Variants in ZBTB20 observed in about 807,000 individuals in gnomAD.
ZBTB20 encodes the protein zinc finger and BTB domain-containing protein 20.
In ZBTB20, 9 loss-of-function variants were observed where a neutral mutation model predicts 56.9. That is an observed-to-expected ratio of 0.16 (90% CI 0.10 to 0.28). The LOEUF is 0.28. Ranked by LOEUF, ZBTB20 falls within the 10% of genes least tolerant of loss-of-function variation. ZBTB20 has a pLI of 1.00. For synonymous variants in ZBTB20, 417 were observed against 420.7 expected, an observed-to-expected ratio of 0.99 and a Z score of 0.11; for missense variants, 655 against 1,003.0, an observed-to-expected ratio of 0.65 and a Z score of 4.69.
At chr3:114,717,192 A>G (rs2064545831) in intron 5 of ZBTB20, among the ~76,000 whole-genome samples, 2 of 152,144 alleles carry the variant, frequency 1.3e-5, no homozygotes, top group Admixed American at 1.3e-4. Flanking sequence ...AGGGCTAACT[A>G]ACAAGATGTG....
At chr3:114,857,317 C>T (rs1416987145) in intron 4 of ZBTB20, among the ~76,000 whole-genome samples, 1 of 152,180 alleles carries the variant, frequency 6.6e-6, no homozygotes, top group Non-Finnish European at 1.5e-5. Flanking sequence ...CATTAAAACT[C>T]CTCGCAATTT....
chr3:114,876,005 A>G (rs909514999), intron 4 of ZBTB20, among the ~76,000 whole-genome samples: 1 of 152,128 alleles, frequency 6.6e-6, no homozygotes, highest in African/African-American at 2.4e-5. Flanking sequence ...AGGCCAAGGC[A>G]GGAAGATCAC....
intron 6 of ZBTB20, among the ~76,000 whole-genome samples, chr3:114,542,130 G>GCCTACTA (rs1247948270): frequency 1.3e-5 from 2 of 152,046 alleles, no homozygotes; most frequent in Non-Finnish European, 2.9e-5. Context: ...TTTGTTTATA[G>GCCTACTA]CCTACTATGG....
chr3:114,609,723 T>G (rs2057415216), intron 6 of ZBTB20, among the ~76,000 whole-genome samples: 1 of 151,980 alleles, frequency 6.6e-6, no homozygotes, highest in Admixed American at 6.6e-5. Context: ...CTGAATGGGG[T>G]AGGGCCTGAA....
intron 5 of ZBTB20, among the ~76,000 whole-genome samples, chr3:114,753,179 G>A (rs1010558049): frequency 7.4e-5 from 11 of 149,322 alleles, no homozygotes; most frequent in Non-Finnish European, 1.3e-4. Flanking sequence ...GAAGTAATGG[G>A]GAACACAGGA....
intron 4 of ZBTB20, among the ~76,000 whole-genome samples, chr3:114,889,523 T>C (rs1218751324): frequency 6.6e-6 from 1 of 152,062 alleles, no homozygotes; most frequent in Non-Finnish European, 1.5e-5. Context: ...GGTATTCCTA[T>C]ATAATCAGGT....
At chr3:114,428,964 A>AAGGCCTTT (rs59133382) in intron 7 of ZBTB20, among the ~76,000 whole-genome samples, 10,644 of 152,056 alleles carry the variant, frequency 0.07, 451 homozygotes, top group East Asian at 0.18. Context: ...TGGGTCCTTC[A>AAGGCCTTT]AGGCCTTTTA....
intron 6 of ZBTB20, among the ~76,000 whole-genome samples, chr3:114,623,746 C>G (rs1402219323): frequency 6.6e-6 from 1 of 152,144 alleles, no homozygotes; most frequent in Non-Finnish European, 1.5e-5. Flanking sequence ...TCCAAATGAA[C>G]AATTAATTCC....
chr3:115,015,471 C>T (rs2108279672), intron 2 of ZBTB20, among the ~76,000 whole-genome samples: 1 of 151,808 alleles, frequency 6.6e-6, no homozygotes, highest in Non-Finnish European at 1.5e-5. Flanking sequence ...CTTCCCCCAA[C>T]CCAAACCCCT....
At chr3:114,493,145 T>C (rs879636581) in intron 7 of ZBTB20, among the ~76,000 whole-genome samples, 2 of 152,228 alleles carry the variant, frequency 1.3e-5, no homozygotes, top group African/African-American at 4.8e-5. Context: ...ATCTTGAGAT[T>C]AGCTTTTTCA....
intron 1 of ZBTB20, among the ~76,000 whole-genome samples, chr3:115,080,753 T>C (rs2082767647): frequency 6.6e-6 from 1 of 152,168 alleles, no homozygotes; most frequent in African/African-American, 2.4e-5. Context: ...ATAATTTCAA[T>C]AGAAATGCCA....
intron 3 of ZBTB20, among the ~76,000 whole-genome samples, chr3:114,958,602 C>G (rs1371578020): frequency 6.6e-6 from 1 of 152,074 alleles, no homozygotes; most frequent in Non-Finnish European, 1.5e-5. Context: ...AATCCCAGCA[C>G]TTTGGGAGGC....
chr3:114,913,117 C>T lies in ZBTB20; in HGVS notation c.-455-12775G>A, dbSNP rs192710668. ...TATACCTAGCAGTCAGATTGCTGGA[C>T]CATATGGTAGATCTGTTTTTAGTTT... On this transcript the variant is annotated intron_variant, in intron 3 of 11. Coordinates refer to ENST00000675478, the MANE Select transcript of ZBTB20 (RefSeq NM_001348800.3). Among the ~76,000 whole-genome samples, 385 of 152,046 alleles carry T rather than the reference C, an allele frequency of 2.5e-3. 1 individual carries two copies. Among genetic ancestry groups the T allele is most frequent in the African/African-American group, 9.1e-3 (378 of 41,508 alleles).
At chr3:115,059,177 T>A (rs2081926770) in intron 2 of ZBTB20, among the ~76,000 whole-genome samples, 1 of 152,198 alleles carries the variant, frequency 6.6e-6, no homozygotes, top group Non-Finnish European at 1.5e-5. Context: ...ATTGGTAATT[T>A]TTTTCCCAGT....
chr3:115,095,551 G>T (rs571757527), intron 1 of ZBTB20, among the ~76,000 whole-genome samples: 63 of 152,088 alleles, frequency 4.1e-4, no homozygotes, highest in African/African-American at 1.4e-3. Context: ...TATTACAGTT[G>T]AACAGCTAGA....
chr3:114,733,742 C>T (rs1367145823), intron 5 of ZBTB20, among the ~76,000 whole-genome samples: 2 of 152,084 alleles, frequency 1.3e-5, no homozygotes, highest in African/African-American at 4.8e-5. Flanking sequence ...ATTGCTTTTG[C>T]TATCAACGGC....
At chr3:114,620,013 G>A (rs1354248685) in intron 6 of ZBTB20, among the ~76,000 whole-genome samples, 3 of 152,190 alleles carry the variant, frequency 2.0e-5, no homozygotes, top group Non-Finnish European at 4.4e-5. Flanking sequence ...TGGTTAATAT[G>A]ATGCATTATA....
At chr3:114,573,211 GCA>G (rs2053624427) in intron 6 of ZBTB20, among the ~76,000 whole-genome samples, 1 of 152,150 alleles carries the variant, frequency 6.6e-6, no homozygotes, top group South Asian at 2.1e-4. Context: ...TGTAATTCCA[GCA>G]CTTTGGGAGG....
At chr3:114,665,508 C>T (rs1274567120) in intron 6 of ZBTB20, among the ~76,000 whole-genome samples, 1 of 151,960 alleles carries the variant, frequency 6.6e-6, no homozygotes, top group East Asian at 1.9e-4. Context: ...GACTTAAAGG[C>T]TATGAGCTCT....
Sources: gnomAD v4.1 joint callset for allele counts (sites outside exome capture counted in the v4.1 genomes callset) on GRCh38, gnomAD v4.1.1 for gene constraint, MANE v1.5 for transcripts, NCBI Gene and HGNC (gene_info 2026-07-23, HGNC 2026-07-21) for gene names.